Variants in RAD51B observed in about 807,000 individuals in gnomAD.
RAD51B encodes DNA repair protein RAD51 homolog 2.
Under a neutral mutation model 42.2 loss-of-function variants are expected in RAD51B, and 38 were observed. That is an observed-to-expected ratio of 0.90 (90% confidence interval 0.70 to 1.18). The LOEUF (loss-of-function observed/expected upper bound fraction) is 1.18. RAD51B is among the 50% of genes most tolerant of loss of function. The pLI, the probability that RAD51B is intolerant of heterozygous loss-of-function variation, is 0.00. For synonymous variants in RAD51B, 154 were observed against 145.2 expected, an observed-to-expected ratio of 1.06 and a Z score of -0.43; for missense variants, 373 against 400.7, an observed-to-expected ratio of 0.93 and a Z score of 0.59.
intron 7 of RAD51B, among the ~76,000 whole-genome samples, chr14:68,288,712 A>G (rs115171524): frequency 1.3e-5 from 2 of 152,186 alleles, no homozygotes; most frequent in Non-Finnish European, 2.9e-5. Flanking sequence ...CAGTACCTTT[A>G]TATCTTGATT....
At position 68,477,722 on chromosome 14, in the gene RAD51B, A is replaced by G; in HGVS notation, c.*58A>G. 6.3e-7 allele frequency: 1 copy of G among 1,597,416 alleles called. No homozygotes were observed. Among genetic ancestry groups the G allele is most frequent in the South Asian group, 1.1e-5 (1 of 87,554 alleles). ...GGTGTGATTTGTGAAATAAAACAGG[A>G]CCGTACTGCTTGGAAGAAGGAAACG... On this transcript the variant is annotated 3_prime_UTR_variant, in exon 11 of 11. Transcript: ENST00000471583.
intron 11 of RAD51B, among the ~76,000 whole-genome samples, chr14:68,673,750 CACAT>C (rs2140157185): frequency 6.6e-6 from 1 of 151,916 alleles, no homozygotes; most frequent in East Asian, 1.9e-4. Flanking sequence ...ATACTGTACA[CACAT>C]ATATATACAT....
intron 7 of RAD51B, among the ~76,000 whole-genome samples, chr14:68,000,526 A>C (rs1180264446): frequency 1.3e-5 from 2 of 152,136 alleles, no homozygotes; most frequent in Non-Finnish European, 2.9e-5. Flanking sequence ...ATTTTATTTC[A>C]TTGAGGTTAA....
intron 10 of RAD51B, among the ~76,000 whole-genome samples, chr14:68,632,877 G>A (rs1892259960): frequency 6.6e-6 from 1 of 150,876 alleles, no homozygotes; most frequent in Admixed American, 6.6e-5. Context: ...CCAGGCTCAA[G>A]TGATCCTCCC....
downstream of RAD51B, among the ~76,000 whole-genome samples, chr14:68,599,630 A>C (rs998111095): frequency 6.6e-6 from 1 of 152,212 alleles, no homozygotes; most frequent in African/African-American, 2.4e-5. Flanking sequence ...CGTGTCCTTC[A>C]TCAATCAGCT....
chr14:68,599,262 C>G (rs1201204861), downstream of RAD51B, among the ~76,000 whole-genome samples: 5 of 152,208 alleles, frequency 3.3e-5, no homozygotes, highest in Non-Finnish European at 7.3e-5. Context: ...ACGAAACATA[C>G]TACGTGCTGG....
intron 7 of RAD51B, among the ~76,000 whole-genome samples, chr14:68,220,999 C>T (rs547104386): frequency 1.1e-4 from 16 of 152,164 alleles, no homozygotes; most frequent in Admixed American, 2.0e-4. Flanking sequence ...GGCATGGTGG[C>T]GCACACCTGT....
At chr14:68,122,396 A>G (rs2077668246) in intron 7 of RAD51B, among the ~76,000 whole-genome samples, 1 of 152,218 alleles carries the variant, frequency 6.6e-6, no homozygotes, top group African/African-American at 2.4e-5. Flanking sequence ...ATGACCAGCG[A>G]TGGGTAAAGG....
At chr14:67,862,866 A>G in intron 4 of RAD51B, among the ~76,000 whole-genome samples, 1 of 152,190 alleles carries the variant, frequency 6.6e-6, no homozygotes, top group Admixed American at 6.5e-5. Context: ...AATGTTTATA[A>G]TTTTTAATTC....
At chr14:67,934,064 C>T (rs749955839) in intron 7 of RAD51B, among the ~76,000 whole-genome samples, 11 of 152,210 alleles carry the variant, frequency 7.2e-5, no homozygotes, top group Non-Finnish European at 1.5e-4. Context: ...TTCATTGTAT[C>T]TGATGCTGCC....
At chr14:68,205,643 T>C (rs2079570154) in intron 7 of RAD51B, among the ~76,000 whole-genome samples, 2 of 151,984 alleles carry the variant, frequency 1.3e-5, no homozygotes, top group Admixed American at 6.6e-5. Context: ...TATTTGGAAG[T>C]AAGAAAGTTG....
At chr14:68,605,621 T>G (rs1891415241) in intron 10 of RAD51B, among the ~76,000 whole-genome samples, 1 of 152,212 alleles carries the variant, frequency 6.6e-6, no homozygotes, top group African/African-American at 2.4e-5. Context: ...ACATGTGCTC[T>G]CTCTCTCTTC....
At chr14:68,087,135 C>CAAAAAAA (rs1347014384) in intron 7 of RAD51B, among the ~76,000 whole-genome samples, 1 of 124,288 alleles carries the variant, frequency 8.0e-6, no homozygotes, top group Non-Finnish European at 1.7e-5. Context: ...AACGCCATCT[C>CAAAAAAA]AAAAAAAAAA....
At chr14:68,482,195 G>GTGTA (rs2140265288), downstream of RAD51B, among the ~76,000 whole-genome samples, 1 of 151,904 alleles carries the variant, frequency 6.6e-6, no homozygotes, top group Admixed American at 6.6e-5. Context: ...GTGTGTGTGT[G>GTGTA]TGTATGTGTG....
chr14:68,173,224 A>G (rs1019447859), intron 7 of RAD51B, among the ~76,000 whole-genome samples: 5 of 152,214 alleles, frequency 3.3e-5, no homozygotes, highest in African/African-American at 1.2e-4. Flanking sequence ...TTTCTTATTT[A>G]TAATATAAAG....
In RAD51B at chr14:68,087,868, TA is replaced by T. The variant is rs1402786383; in HGVS notation, c.756+200665del. Among the ~76,000 whole-genome samples the T allele has an allele frequency of 1.0e-3, 82 of 81,314 alleles. 1 individual carries two copies. The highest frequency in any genetic ancestry group is 2.6e-3 in the African/African-American group (37 of 14,492). 53.3% of individuals were successfully genotyped at this position (81,314 alleles called of 152,430 possible). A position where few individuals can be genotyped will look rare whatever the true frequency, so the allele number is the denominator to read the frequency against. Reference sequence around the variant, plus strand: ...AATTATTATATATATAATTATATAATATATTATTTATATAATTATATAATAT... The same window carrying T: ...AATTATTATATATATAATTATATAATTATTATTTATATAATTATATAATAT... On this transcript the variant is annotated intron_variant, in intron 7 of 10. Coordinates refer to ENST00000471583, the MANE Select transcript of RAD51B (RefSeq NM_133510.4).
At chr14:67,997,205 C>CA (rs1402970897) in intron 7 of RAD51B, among the ~76,000 whole-genome samples, 2 of 151,752 alleles carry the variant, frequency 1.3e-5, no homozygotes, top group Admixed American at 6.6e-5. Flanking sequence ...GTATTTGAAA[C>CA]AAAAAACTAG....
chr14:68,291,011 TTGGCAAGGC>T (rs2081506400), intron 7 of RAD51B, among the ~76,000 whole-genome samples: 1 of 151,872 alleles, frequency 6.6e-6, no homozygotes. Context: ...TTTCTCCACA[TTGGCAAGGC>T]TGGTCTCAAA....
At chr14:67,956,530 GTCTACTA>G (rs1409500514) in intron 7 of RAD51B, among the ~76,000 whole-genome samples, 1 of 151,840 alleles carries the variant, frequency 6.6e-6, no homozygotes, top group Non-Finnish European at 1.5e-5. Flanking sequence ...AATGTTATGT[GTCTACTA>G]TCTATAAGAT....
Sources: allele counts gnomAD v4.1 joint callset (sites outside exome capture counted in the v4.1 genomes callset), GRCh38; gene constraint gnomAD v4.1.1; transcripts MANE v1.5; gene names NCBI Gene and HGNC (gene_info 2026-07-23, HGNC 2026-07-21).